FBXL17: variants seen among roughly 807,000 people sequenced by gnomAD.
The protein encoded by FBXL17 is F-box/LRR-repeat protein 17.
FBXL17 carries 22 observed loss-of-function variants against 66.2 expected under a neutral mutation model. The ratio of observed to expected loss-of-function variants is 0.33; its 90% CI spans 0.24 to 0.47. The LOEUF is 0.47. Ranked by LOEUF, FBXL17 falls within the 20% of genes least tolerant of loss-of-function variation. The pLI, the probability that FBXL17 is intolerant of heterozygous loss-of-function variation, is 1.00. For synonymous variants in FBXL17, 474 were observed against 400.5 expected (o/e 1.18, Z -2.19); for missense variants, 878 against 948.2 (o/e 0.93, Z 0.97).
At chr5:108,286,086 C>T (rs1285511756) in intron 4 of FBXL17, among the ~76,000 whole-genome samples, 2 of 151,850 alleles carry the variant, frequency 1.3e-5, no homozygotes, top group Admixed American at 1.3e-4. Context: ...CAATATAATT[C>T]AACATCCCTT....
At chr5:108,319,865 G>A (rs1369971735) in intron 4 of FBXL17, among the ~76,000 whole-genome samples, 1 of 151,640 alleles carries the variant, frequency 6.6e-6, no homozygotes, top group East Asian at 1.9e-4. Flanking sequence ...TCAAATATGT[G>A]TATTTGAGAA....
chr5:108,352,063 A>G (rs10075370), intron 3 of FBXL17, among the ~76,000 whole-genome samples: 34,819 of 152,292 alleles, frequency 0.23, 4,626 homozygotes, highest in Middle Eastern at 0.33. Flanking sequence ...TGTGGATGGC[A>G]TATGCAGAAA....
chr5:108,135,299 G>A (rs762052905), intron 6 of FBXL17, among the ~76,000 whole-genome samples: 26 of 152,108 alleles, frequency 1.7e-4, no homozygotes, highest in Non-Finnish European at 3.4e-4. Context: ...TATTTAAAGG[G>A]GAAAACTTTC....
At chr5:108,181,191 T>C (rs755047097) in intron 6 of FBXL17, among the ~76,000 whole-genome samples, 1 of 152,114 alleles carries the variant, frequency 6.6e-6, no homozygotes, top group Non-Finnish European at 1.5e-5. Context: ...GTAGACCAAA[T>C]TGGATGTGAA....
intron 6 of FBXL17, among the ~76,000 whole-genome samples, chr5:108,114,064 T>A (rs1750144741): frequency 6.6e-6 from 1 of 152,176 alleles, no homozygotes; most frequent in Non-Finnish European, 1.5e-5. Flanking sequence ...CAAAAAGACT[T>A]GTGGCAGTCA....
intron 4 of FBXL17, among the ~76,000 whole-genome samples, chr5:108,232,782 C>CAT (rs34650348): frequency 0.033 from 2,612 of 78,060 alleles, 326 homozygotes; most frequent in African/African-American, 0.097. Context: ...TAAGCTCTCA[C>CAT]ATATATATAT....
At chr5:108,283,291 G>A (rs186434207) in intron 4 of FBXL17, among the ~76,000 whole-genome samples, 144 of 151,692 alleles carry the variant, frequency 9.5e-4, no homozygotes, top group African/African-American at 2.8e-3. Flanking sequence ...CTCACATCAC[G>A]TAAGCTGATA....
chr5:108,233,285 G>C (rs1755453024), intron 4 of FBXL17, among the ~76,000 whole-genome samples: 1 of 152,012 alleles, frequency 6.6e-6, no homozygotes. Context: ...TTTATGGTGT[G>C]AAATAAAGGT....
At chr5:108,017,200 A>G (rs547013631) in intron 7 of FBXL17, among the ~76,000 whole-genome samples, 1 of 152,336 alleles carries the variant, frequency 6.6e-6, no homozygotes, top group African/African-American at 2.4e-5. Flanking sequence ...TTATCCACAT[A>G]AAATGAAAGT....
intron 4 of FBXL17, among the ~76,000 whole-genome samples, chr5:108,342,986 G>C (rs1746988397): frequency 6.6e-6 from 1 of 152,144 alleles, no homozygotes; most frequent in Non-Finnish European, 1.5e-5. Context: ...CATGAGGGCA[G>C]AGCCCTAATA....
chr5:108,017,649 ACT>A (rs1312070982), intron 7 of FBXL17, among the ~76,000 whole-genome samples: 1 of 152,038 alleles, frequency 6.6e-6, no homozygotes, highest in Non-Finnish European at 1.5e-5. Context: ...TTTTAACCGA[ACT>A]CTCTGACACC....
intron 6 of FBXL17, among the ~76,000 whole-genome samples, chr5:108,088,894 A>G (rs1360207786): frequency 3.3e-5 from 5 of 152,118 alleles, no homozygotes. Context: ...GATAACTCAC[A>G]TAACATTTCA....
At chr5:107,891,093 T>C (rs1749183466) in intron 7 of FBXL17, among the ~76,000 whole-genome samples, 1 of 152,168 alleles carries the variant, frequency 6.6e-6, no homozygotes, top group African/African-American at 2.4e-5. Flanking sequence ...TGAAGTCTGC[T>C]AGGGAAGGCC....
At chr5:108,039,210 A>G (rs1245566097) in intron 6 of FBXL17, among the ~76,000 whole-genome samples, 1 of 152,004 alleles carries the variant, frequency 6.6e-6, no homozygotes, top group African/African-American at 2.4e-5. Context: ...ACTGCTGAAA[A>G]TAGTGTTTCA....
intron 4 of FBXL17, chr5:108,297,740 T>G (rs1758407426): frequency 1.6e-6 from 1 of 610,180 alleles, no homozygotes; most frequent in Admixed American, 6.4e-5. Flanking sequence ...AGAAATAAAC[T>G]TCAAAAAAAG....
chr5:107,933,258 G>A (rs1750792310), intron 7 of FBXL17, among the ~76,000 whole-genome samples: 2 of 152,164 alleles, frequency 1.3e-5, no homozygotes, highest in Admixed American at 6.6e-5. Context: ...GAACTTGGGA[G>A]ACATCTGCAT....
intron 6 of FBXL17, among the ~76,000 whole-genome samples, chr5:108,087,727 T>G (rs1424734446): frequency 1.3e-5 from 2 of 152,046 alleles, no homozygotes; most frequent in African/African-American, 2.4e-5. Context: ...ATTAAATACA[T>G]ATGAGAAACC....
chr5:108,009,341 T>G, intron 7 of FBXL17, among the ~76,000 whole-genome samples: 1 of 132,734 alleles, frequency 7.5e-6, no homozygotes, highest in African/African-American at 2.9e-5. Flanking sequence ...TTGTTTTTCA[T>G]ATATATATAT....
chr5:108,218,701 A>G (rs1330461081), intron 5 of FBXL17, among the ~76,000 whole-genome samples: 2 of 150,656 alleles, frequency 1.3e-5, no homozygotes, highest in Non-Finnish European at 3.0e-5. Context: ...ATTTTTTTTC[A>G]TATACTTGCT....
Sources: allele counts gnomAD v4.1 joint callset (sites outside exome capture counted in the v4.1 genomes callset), GRCh38; gene constraint gnomAD v4.1.1; transcripts MANE v1.5; gene names NCBI Gene and HGNC (gene_info 2026-07-23, HGNC 2026-07-21).